The following MPPED2 variants were observed in gnomAD, a reference collection of about 807,000 sequenced individuals.
MPPED2 encodes the protein metallophosphoesterase domain containing 2.
In MPPED2, 5 loss-of-function variants were observed where a neutral mutation model predicts 33.0. That is an observed-to-expected ratio of 0.15 (90% CI 0.08 to 0.32). MPPED2 has a LOEUF of 0.32. Among genes scored for constraint, MPPED2 ranks in the 10% least tolerant of loss-of-function variants. The pLI is 1.00. For missense variants in MPPED2, 275 were observed against 372.1 expected (o/e 0.74, Z 2.15); for synonymous variants, 136 against 141.9 (o/e 0.96, Z 0.29).
intron 2 of MPPED2, among the ~76,000 whole-genome samples, chr11:30,578,829 T>TTAAACA (rs1284464852): frequency 3.9e-5 from 6 of 152,304 alleles, no homozygotes; most frequent in African/African-American, 1.2e-4. Flanking sequence ...AATATTTGAA[T>TTAAACA]TAAACAGATA....
chr11:30,481,886 T>G (rs1406959808), intron 4 of MPPED2, among the ~76,000 whole-genome samples: 1 of 152,130 alleles, frequency 6.6e-6, no homozygotes, highest in African/African-American at 2.4e-5. Flanking sequence ...TTCCTTGCAT[T>G]TCAGCCAGGC....
At chr11:30,418,947 C>T (rs925177879) in intron 4 of MPPED2, among the ~76,000 whole-genome samples, 10 of 152,160 alleles carry the variant, frequency 6.6e-5, no homozygotes, top group African/African-American at 2.2e-4. Context: ...CCTCAGTTCA[C>T]GCTGATATGG....
intron 4 of MPPED2, among the ~76,000 whole-genome samples, chr11:30,478,901 G>A (rs1180714026): frequency 6.6e-6 from 1 of 151,594 alleles, no homozygotes; most frequent in Non-Finnish European, 1.5e-5. Flanking sequence ...TTCACAATAT[G>A]AGCAGGCTGT....
intron 3 of MPPED2, among the ~76,000 whole-genome samples, chr11:30,523,533 A>C (rs1953989277): frequency 6.6e-6 from 1 of 151,932 alleles, no homozygotes; most frequent in Non-Finnish European, 1.5e-5. Flanking sequence ...TCTTCCAATA[A>C]GGCGCCTTCA....
At chr11:30,481,722 A>C (rs1951495990) in intron 4 of MPPED2, among the ~76,000 whole-genome samples, 1 of 152,106 alleles carries the variant, frequency 6.6e-6, no homozygotes, top group African/African-American at 2.4e-5. Flanking sequence ...TTCAGGGATG[A>C]ATCAAAACGC....
chr11:30,437,759 G>T (rs1949388393), intron 4 of MPPED2, among the ~76,000 whole-genome samples: 1 of 152,036 alleles, frequency 6.6e-6, no homozygotes. Flanking sequence ...AAGGGAGGCA[G>T]ATAGAAGAAA....
At chr11:30,448,228 A>G (rs1473162381) in intron 4 of MPPED2, among the ~76,000 whole-genome samples, 1 of 152,158 alleles carries the variant, frequency 6.6e-6, no homozygotes, top group Non-Finnish European at 1.5e-5. Flanking sequence ...CTCACATCAA[A>G]CCCTACGCAT....
At position 30,547,227 on chromosome 11, in the gene MPPED2, G is replaced by T. The variant is rs931298698; in HGVS notation, c.129-11052C>A. 3.3e-5 allele frequency among the ~76,000 whole-genome samples: 5 copies of T among 152,198 alleles called. No homozygotes were observed. The South Asian group carries it at 1.0e-3, about 31-fold the overall frequency. ...AAAGAGAACTACCATCTACTGTGTT[G>T]TGCTACAACAGGAGTGGCATGTCCA... On this transcript the variant is annotated intron_variant, in intron 2 of 6. Transcript: ENST00000358117.
chr11:30,583,134 CTTTTTTTT>C (rs199611856), intron 1 of MPPED2, among the ~76,000 whole-genome samples: 1,935 of 96,334 alleles, frequency 0.02, 8 homozygotes, highest in African/African-American at 0.06. Flanking sequence ...AAGACTTTTT[CTTTTTTTT>C]TTTTTTTTTT....
chr11:30,467,901 C>T (rs1005149962), intron 4 of MPPED2, among the ~76,000 whole-genome samples: 1 of 152,030 alleles, frequency 6.6e-6, no homozygotes, highest in African/African-American at 2.4e-5. Context: ...ATCCTTAGCT[C>T]CAAGATGTGC....
chr11:30,459,655 TATC>T (rs1379852211), intron 4 of MPPED2, among the ~76,000 whole-genome samples: 2 of 152,130 alleles, frequency 1.3e-5, no homozygotes, highest in Non-Finnish European at 2.9e-5. Flanking sequence ...CTCTCTCTGG[TATC>T]ATATTATTCC....
At chr11:30,510,185 G>A (rs760984412) in intron 3 of MPPED2, among the ~76,000 whole-genome samples, 3 of 151,914 alleles carry the variant, frequency 2.0e-5, no homozygotes, top group Admixed American at 6.6e-5. Flanking sequence ...GTACTATCAC[G>A]GTTTAAGGCC....
intron 4 of MPPED2, among the ~76,000 whole-genome samples, chr11:30,478,390 A>C (rs929799983): frequency 6.6e-6 from 1 of 152,140 alleles, no homozygotes; most frequent in Non-Finnish European, 1.5e-5. Flanking sequence ...AATTCAGATT[A>C]ATGTATACCT....
chr11:30,484,056 C>A (rs1379731196), intron 4 of MPPED2, among the ~76,000 whole-genome samples: 1 of 152,130 alleles, frequency 6.6e-6, no homozygotes, highest in African/African-American at 2.4e-5. Flanking sequence ...CTTTCCTTTA[C>A]AAATATAGCA....
chr11:30,494,563 C>T (rs1051204708), intron 4 of MPPED2, among the ~76,000 whole-genome samples: 2 of 151,778 alleles, frequency 1.3e-5, no homozygotes, highest in African/African-American at 2.4e-5. Context: ...CATGGTGAAA[C>T]CCCGTCTCTA....
exon 7 of MPPED2, chr11:30,384,565 C>T (rs1947680932): frequency 6.6e-6 from 1 of 151,272 alleles, no homozygotes; most frequent in Non-Finnish European, 1.5e-5. Flanking sequence ...ACCTCCGCCT[C>T]CAGGGTTCAA....
chr11:30,503,272 T>C (rs1952653192), intron 3 of MPPED2, among the ~76,000 whole-genome samples: 1 of 152,128 alleles, frequency 6.6e-6, no homozygotes, highest in South Asian at 2.1e-4. Flanking sequence ...ATAAGTTTCC[T>C]AAGGCCTACC....
At chr11:30,405,652 T>C (rs1183583537), downstream of MPPED2, among the ~76,000 whole-genome samples, 2 of 152,238 alleles carry the variant, frequency 1.3e-5, no homozygotes, top group Non-Finnish European at 2.9e-5. Context: ...AAGAACTCAT[T>C]TTCTGTATGG....
intron 4 of MPPED2, among the ~76,000 whole-genome samples, chr11:30,487,313 C>T (rs76048203): frequency 0.011 from 1,741 of 152,292 alleles, 19 homozygotes; most frequent in Non-Finnish European, 0.017. Context: ...GCCAGCACTT[C>T]CCTCTTGGTG....
Sources: gnomAD v4.1 joint callset for allele counts (sites outside exome capture counted in the v4.1 genomes callset) on GRCh38, gnomAD v4.1.1 for gene constraint, MANE v1.5 for transcripts, NCBI Gene and HGNC (gene_info 2026-07-23, HGNC 2026-07-21) for gene names.